The following MEF2D variants were observed in gnomAD, a reference collection of about 807,000 sequenced individuals.
MEF2D encodes the protein myocyte-specific enhancer factor 2D.
A neutral mutation model predicts 59.3 loss-of-function variants in MEF2D; 10 were observed. The ratio of observed to expected loss-of-function variants is 0.17; its 90% CI spans 0.10 to 0.29. The LOEUF (loss-of-function observed/expected upper bound fraction) is 0.29, where lower values mean the gene tolerates loss of function less well. Ranked by LOEUF, MEF2D falls within the 10% of genes least tolerant of loss-of-function variation. The probability of loss-of-function intolerance (pLI) is 1.00; values close to 1 mark genes in which losing one functional copy is unlikely to be tolerated. For synonymous variants in MEF2D, 305 were observed against 295.0 expected (o/e 1.03, Z -0.35); for missense variants, 508 against 699.4 (o/e 0.73, Z 3.09).
rs760875199 is a variant in MEF2D, at chr1:156,468,867, TGTGGCTGCG to T, written c.1151_1159del (p.Pro384_Pro386del). On this transcript the variant is annotated inframe_deletion, in exon 10 of 12. Transcript: ENST00000348159. The surrounding 1 kb of genome is among the most constrained non-coding windows in gnomAD (Gnocchi z 4.3). ...CTGAGGCTGCTGTGGCTGTGGCTGC[TGTGGCTGCG>T]GTGGCTGCTGCTGTGGAGGCTGTGG... 244 of 1,613,064 alleles carry T rather than the reference TGTGGCTGCG, an allele frequency of 1.5e-4. No homozygotes were observed. Among genetic ancestry groups the T allele is most frequent in the South Asian group, 6.0e-4 (55 of 91,072 alleles).
At chr1:156,478,140 C>T (rs1671740235) in intron 6 of MEF2D, among the ~76,000 whole-genome samples, 1 of 152,212 alleles carries the variant, frequency 6.6e-6, no homozygotes, top group African/African-American at 2.4e-5. Context: ...GATCACTGCT[C>T]ACTTGAGGTC....
At chr1:156,494,530 G>A (rs758173282) in intron 1 of MEF2D, among the ~76,000 whole-genome samples, 17 of 152,016 alleles carry the variant, frequency 1.1e-4, no homozygotes, top group Non-Finnish European at 1.9e-4. Flanking sequence ...AGGGCCAAAC[G>A]GAGCCCTAGG....
intron 9 of MEF2D, among the ~76,000 whole-genome samples, chr1:156,471,024 A>G (rs1671203999): frequency 1.3e-5 from 2 of 152,180 alleles, no homozygotes; most frequent in African/African-American, 4.8e-5. Context: ...AAAGCAGAGC[A>G]AGGGCAGAAA....
intron 1 of MEF2D, among the ~76,000 whole-genome samples, chr1:156,492,387 C>A (rs1374802243): frequency 6.6e-6 from 1 of 152,218 alleles, no homozygotes; most frequent in South Asian, 2.1e-4. Context: ...AGCCCTCCAA[C>A]CAAGCATGCG....
chr1:156,476,982 C>T (rs1347878238), intron 7 of MEF2D, 30 bp downstream of exon 7: 1 of 1,612,146 alleles, frequency 6.2e-7, no homozygotes, highest in Non-Finnish European at 8.5e-7. Context: ...CATTCCCCAG[C>T]CCCCACCCTT....
rs552216686 is a variant in MEF2D, at chr1:156,481,041, C to A, written c.259-70G>T. On this transcript the variant is annotated intron_variant, in intron 3 of 11. Coordinates refer to ENST00000348159, the MANE Select transcript of MEF2D (RefSeq NM_005920.4). ...CCCGCCTCGCTGGAGTTCCTTCCAG[C>A]CCCTCCCTAAGGGCCCCCTACTCTT... 2.1e-4 allele frequency: 335 copies of A among 1,600,370 alleles called. 5 individuals carry two copies. In the South Asian group the frequency reaches 3.6e-3, roughly 17 times the overall value.
intron 1 of MEF2D, among the ~76,000 whole-genome samples, chr1:156,498,044 C>T (rs564045424): frequency 6.7e-6 from 1 of 148,512 alleles, no homozygotes; most frequent in Non-Finnish European, 1.5e-5. Flanking sequence ...TTAGCTCCCC[C>T]CAACCTGAAG....
intron 1 of MEF2D, among the ~76,000 whole-genome samples, chr1:156,488,288 G>A (rs1672505540): frequency 6.6e-6 from 1 of 152,212 alleles, no homozygotes; most frequent in Non-Finnish European, 1.5e-5. Context: ...GTGGTCCCAA[G>A]GCTCAAAGAA....
chr1:156,480,987 T>C lies in MEF2D; in HGVS notation c.259-16A>G, dbSNP rs769352923. 3.7e-5 allele frequency: 59 copies of C among 1,611,486 alleles called. No homozygotes were observed. In the South Asian group the frequency reaches 6.4e-4, roughly 17 times the overall value. On this transcript the variant is annotated splice_polypyrimidine_tract_variant and intron_variant, in intron 3 of 11. Transcript: ENST00000348159. ...TCCTCAGGGTCTGTAACCGCACCACTGCCATCAGCTGGGTGAGAGTCCTTC... is the reference window on the plus strand; with the variant it reads ...TCCTCAGGGTCTGTAACCGCACCACCGCCATCAGCTGGGTGAGAGTCCTTC...
intron 1 of MEF2D, among the ~76,000 whole-genome samples, chr1:156,495,761 G>GAAAAAAAAAAAAAAA (rs1557898471): frequency 7.4e-4 from 2 of 2,706 alleles, no homozygotes; most frequent in Admixed American, 4.2e-3. Flanking sequence ...TGACCAGGGG[G>GAAAAAAAAAAAAAAA]CAAAAAAAAA....
chr1:156,495,519 T>G (rs1425716969), intron 1 of MEF2D, among the ~76,000 whole-genome samples: 2 of 151,704 alleles, frequency 1.3e-5, no homozygotes, highest in Non-Finnish European at 2.9e-5. Flanking sequence ...AAAGTTTTGG[T>G]TTTTGGGCGG....
chr1:156,493,032 G>A (rs1158409858), intron 1 of MEF2D, among the ~76,000 whole-genome samples: 1 of 152,186 alleles, frequency 6.6e-6, no homozygotes, highest in African/African-American at 2.4e-5. Context: ...GTCTCAGAAG[G>A]GCATTCTCTT....
intron 1 of MEF2D, among the ~76,000 whole-genome samples, chr1:156,489,028 C>T (rs1445195625): frequency 6.6e-6 from 1 of 152,204 alleles, no homozygotes; most frequent in Non-Finnish European, 1.5e-5. Flanking sequence ...GCTCCCATAC[C>T]AGCACAGGTC....
At chr1:156,479,484 G>A (rs2102094735) in intron 5 of MEF2D, 102 bp downstream of exon 5, 11 of 1,494,136 alleles carry the variant, frequency 7.4e-6, no homozygotes, top group Non-Finnish European at 1.0e-5. Flanking sequence ...ATGGCGGAAT[G>A]CTGTGGTGGG....
chr1:156,483,036 GAA>G (rs1208668461), intron 2 of MEF2D, among the ~76,000 whole-genome samples: 1 of 152,198 alleles, frequency 6.6e-6, no homozygotes, highest in Non-Finnish European at 1.5e-5. Context: ...TGTGGCAGCA[GAA>G]GAGTCCTGGA....
intron 9 of MEF2D, 54 bp from the exon 10 acceptor site, chr1:156,469,074 C>G (rs1280972952): frequency 1.6e-5 from 24 of 1,544,766 alleles, no homozygotes; most frequent in Non-Finnish European, 2.0e-5. Context: ...CACACAGGCT[C>G]CTATGAGGGA....
At chr1:156,480,387 G>A (rs1671916757) in intron 4 of MEF2D, among the ~76,000 whole-genome samples, 2 of 152,096 alleles carry the variant, frequency 1.3e-5, no homozygotes, top group Admixed American at 6.5e-5. Flanking sequence ...CCACTTTGCT[G>A]TCCTCTAAGG....
chr1:156,467,135 T>G lies in MEF2D; in HGVS notation c.*510A>C, dbSNP rs1041954595. On this transcript the variant is annotated 3_prime_UTR_variant, in exon 12 of 12. Coordinates refer to ENST00000348159, the MANE Select transcript of MEF2D (RefSeq NM_005920.4). ...AAACAGAGACCCTTTTCAGAACCTC[T>G]GCCTCACTTTCCCCTTGAAACACAA... The G allele has an allele frequency of 6.6e-6, 1 of 152,574 alleles. No homozygotes were observed. The highest frequency in any genetic ancestry group is 1.5e-5 in the Non-Finnish European group (1 of 68,032). 9.5% of individuals were successfully genotyped at this position (152,574 alleles called of 1,614,324 possible). A position where few individuals can be genotyped will look rare whatever the true frequency, so the allele number is the denominator to read the frequency against.
chr1:156,499,330 G>C (rs1673333397), intron 1 of MEF2D: 1 of 152,336 alleles, frequency 6.6e-6, no homozygotes, highest in African/African-American at 2.4e-5. Flanking sequence ...ACAGCAAAGA[G>C]GGACACAGGA....
Sources: allele counts gnomAD v4.1 joint callset (sites outside exome capture counted in the v4.1 genomes callset), GRCh38; gene constraint gnomAD v4.1.1; non-coding constraint Gnocchi (gnomAD v3.1); transcripts MANE v1.5; gene names NCBI Gene and HGNC (gene_info 2026-07-23, HGNC 2026-07-21).